Variants in NPAS3 observed in about 807,000 individuals in gnomAD.
The protein encoded by NPAS3 is neuronal PAS domain protein 3.
A neutral mutation model predicts 73.1 loss-of-function variants in NPAS3; 14 were observed. That is an observed-to-expected ratio of 0.19 (90% CI 0.13 to 0.30). The LOEUF is 0.30. Among genes scored for constraint, NPAS3 ranks in the 10% least tolerant of loss-of-function variants. The pLI, the probability that NPAS3 is intolerant of heterozygous loss-of-function variation, is 1.00. For synonymous variants in NPAS3, 620 were observed against 541.5 expected (o/e 1.14, Z -2.01); for missense variants, 1,096 against 1,250.0 (o/e 0.88, Z 1.86).
At chr14:33,026,494 G>A (rs578069537) in intron 1 of NPAS3, among the ~76,000 whole-genome samples, 15 of 152,050 alleles carry the variant, frequency 9.9e-5, no homozygotes, top group African/African-American at 2.9e-4. Context: ...TCATGTTAAC[G>A]GAGTCTACAC....
chr14:33,098,269 A>G (rs924514439), intron 2 of NPAS3, among the ~76,000 whole-genome samples: 1 of 152,188 alleles, frequency 6.6e-6, no homozygotes, highest in Non-Finnish European at 1.5e-5. Flanking sequence ...TTAGGTTATC[A>G]TATGTGTGCC....
chr14:33,622,406 C>T (rs1252951633), intron 5 of NPAS3, among the ~76,000 whole-genome samples: 1 of 152,082 alleles, frequency 6.6e-6, no homozygotes, highest in Non-Finnish European at 1.5e-5. Context: ...TTACTAGTCC[C>T]TTGATAATTC....
At position 33,800,943 on chromosome 14, in the gene NPAS3, T is replaced by A. The variant is rs1325522634; in HGVS notation, c.2636T>A (p.Leu879His). ...ATGCTCTACCACCACGTGCACCGGC[T>A]CAACATGTCAGGACCGTTCGGCGGC... is the stretch of plus-strand genomic sequence containing the variant. Residue 879 changes from leucine (L) to histidine (H), a missense_variant, in exon 12 of 12, where the codon CTC (leucine) becomes CAC (histidine). Leu to His is a moderately conservative substitution (Grantham distance 99). Transcript: ENST00000356141. The surrounding 1 kb of genome is among the most constrained non-coding windows in gnomAD (Gnocchi z 6.5). 1 of 1,606,458 alleles carries A rather than the reference T, an allele frequency of 6.2e-7. No individual in the cohort carries two copies. Among genetic ancestry groups the A allele is most frequent in the Non-Finnish European group, 8.5e-7 (1 of 1,177,108 alleles).
At chr14:33,083,685 G>C (rs1324604551) in intron 2 of NPAS3, among the ~76,000 whole-genome samples, 4 of 152,128 alleles carry the variant, frequency 2.6e-5, no homozygotes, top group Non-Finnish European at 4.4e-5. Context: ...GCCATGTCTA[G>C]AATTTAGGAG....
intron 4 of NPAS3, among the ~76,000 whole-genome samples, chr14:33,554,202 A>C (rs1026339249): frequency 1.3e-5 from 2 of 152,148 alleles, no homozygotes; most frequent in African/African-American, 4.8e-5. Context: ...CTCCTTATTA[A>C]CAGCAAAGCT....
chr14:33,075,475 G>A (rs958245602), intron 2 of NPAS3, among the ~76,000 whole-genome samples: 3 of 152,110 alleles, frequency 2.0e-5, no homozygotes, highest in South Asian at 2.1e-4. Context: ...CATATGCTGC[G>A]TTTTCTCTCT....
chr14:33,142,535 T>C (rs191312614), intron 2 of NPAS3, among the ~76,000 whole-genome samples: 3 of 152,174 alleles, frequency 2.0e-5, no homozygotes, highest in Non-Finnish European at 2.9e-5. Flanking sequence ...TTGCCATATT[T>C]TTATAATATG....
At chr14:33,508,318 C>T (rs1176262722) in intron 4 of NPAS3, among the ~76,000 whole-genome samples, 1 of 151,956 alleles carries the variant, frequency 6.6e-6, no homozygotes, top group Non-Finnish European at 1.5e-5. Context: ...CTTCCAGATG[C>T]ATTACCAAAT....
intron 4 of NPAS3, among the ~76,000 whole-genome samples, chr14:33,519,252 C>T (rs183030049): frequency 2.6e-5 from 4 of 152,268 alleles, no homozygotes; most frequent in Admixed American, 2.6e-4. Flanking sequence ...TCTCATCAAA[C>T]TTCTCAGTAT....
intron 2 of NPAS3, among the ~76,000 whole-genome samples, chr14:33,141,566 G>C (rs2044044207): frequency 6.6e-6 from 1 of 151,954 alleles, no homozygotes; most frequent in African/African-American, 2.4e-5. Flanking sequence ...AGTATGCTTT[G>C]GTAAACTGAT....
intron 4 of NPAS3, among the ~76,000 whole-genome samples, chr14:33,442,412 TAAA>T (rs59873637): frequency 0.19 from 27,859 of 147,640 alleles, 3,110 homozygotes; most frequent in East Asian, 0.53. Flanking sequence ...GTTCCTGTCT[TAAA>T]AAAAAAAAAA....
At chr14:33,053,834 T>A (rs991650045) in intron 1 of NPAS3, among the ~76,000 whole-genome samples, 1 of 152,214 alleles carries the variant, frequency 6.6e-6, no homozygotes, top group Non-Finnish European at 1.5e-5. Context: ...TCTGGGTAAG[T>A]TTATTTTCAA....
rs572459184 is a variant in NPAS3, at chr14:33,195,255, G to A, written c.141-19927G>A. On this transcript the variant is annotated intron_variant, in intron 2 of 11. Transcript: ENST00000356141. ...CTAAAAAAAAAAAAATTTAAAAAAGGGTTTTTTTTTGTTTTGTTTTCTTTT... is the reference window on the plus strand; with the variant it reads ...CTAAAAAAAAAAAAATTTAAAAAAGAGTTTTTTTTTGTTTTGTTTTCTTTT... Among the ~76,000 whole-genome samples the A allele has an allele frequency of 9.9e-5, 15 of 152,082 alleles. No homozygotes were observed. In the East Asian group the frequency reaches 1.5e-3, roughly 16 times the overall value.
chr14:33,352,165 G>A (rs1306666888), intron 3 of NPAS3, among the ~76,000 whole-genome samples: 3 of 152,150 alleles, frequency 2.0e-5, no homozygotes, highest in Admixed American at 1.3e-4. Context: ...ATTGTCTTAG[G>A]CACTTCATGT....
At chr14:33,498,713 G>T (rs1416729668) in intron 4 of NPAS3, among the ~76,000 whole-genome samples, 1 of 41,430 alleles carries the variant, frequency 2.4e-5, no homozygotes, top group Non-Finnish European at 4.0e-5. Context: ...TAGGGAAGGG[G>T]TTAGGAGAAA....
intron 5 of NPAS3, among the ~76,000 whole-genome samples, chr14:33,675,784 T>TA (rs546159200): frequency 7.2e-5 from 11 of 152,252 alleles, no homozygotes; most frequent in Non-Finnish European, 1.3e-4. Flanking sequence ...ACTCGACTGC[T>TA]ATCTCTGGCT....
chr14:33,482,482 TAC>T (rs1307514622), intron 4 of NPAS3, among the ~76,000 whole-genome samples: 1 of 152,164 alleles, frequency 6.6e-6, no homozygotes. Flanking sequence ...TTTGATTCCA[TAC>T]AGAGTTTAAG....
intron 5 of NPAS3, among the ~76,000 whole-genome samples, chr14:33,597,660 A>T (rs1187850666): frequency 6.6e-6 from 1 of 152,184 alleles, no homozygotes; most frequent in African/African-American, 2.4e-5. Context: ...GGCAGCAGTT[A>T]CTCGAGAGTG....
upstream of NPAS3, among the ~76,000 whole-genome samples, chr14:32,938,526 G>GAAAGAGAGAA (rs2035800805): frequency 3.9e-5 from 1 of 25,390 alleles, no homozygotes; most frequent in Non-Finnish European, 9.0e-5. Flanking sequence ...AGAGAGAGAA[G>GAAAGAGAGAA]GGGGGGGAGG....
Sources: gnomAD v4.1 joint callset for allele counts (sites outside exome capture counted in the v4.1 genomes callset) on GRCh38, gnomAD v4.1.1 for gene constraint, Gnocchi (gnomAD v3.1) non-coding constraint, MANE v1.5 for transcripts, NCBI Gene and HGNC (gene_info 2026-07-23, HGNC 2026-07-21) for gene names.